Variants in MADCAM1 observed in about 807,000 individuals in gnomAD.
MADCAM1 encodes mucosal vascular addressin cell adhesion molecule 1.
MADCAM1 carries 19 observed loss-of-function variants against 26.1 expected under a neutral mutation model. The observed-to-expected ratio is 0.73, with a 90% CI of 0.51 to 1.07. MADCAM1 has a LOEUF of 1.07. Among genes scored for constraint, MADCAM1 ranks in the 50% least tolerant of loss-of-function variants. MADCAM1 has a pLI of 0.00. For synonymous variants in MADCAM1, 268 were observed against 260.9 expected, an observed-to-expected ratio of 1.03 and a Z score of -0.26; for missense variants, 514 against 542.1, an observed-to-expected ratio of 0.95 and a Z score of 0.51.
rs1279665099 is a variant in MADCAM1, at chr19:496,542, C to T, written c.43C>T (p.Leu15Phe). The T allele has an allele frequency of 7.7e-7, 1 of 1,302,972 alleles. No individual in the cohort carries two copies. The highest frequency in any genetic ancestry group is 1.6e-5 in the African/African-American group (1 of 63,696). 80.7% of individuals were successfully genotyped at this position (1,302,972 alleles called of 1,614,324 possible). ...CCTCCTGCTGGCGGGGCTTCTGGGG[C>T]TCCTCCTCGGTGAGAAGGGGAGGGG... is the stretch of plus-strand genomic sequence containing the variant. ...LALLLAGLLGLLLGQSLQVKP... is the reference protein window; with the variant it reads ...LALLLAGLLGFLLGQSLQVKP... The change falls in exon 1 of 5, where the codon CTC becomes TTC. Residue 15 changes from leucine to phenylalanine, a missense_variant. By Grantham distance (22) the Leu-to-Phe change is conservative. Around this residue, in one of 3 missense-constraint regions of MADCAM1, gnomAD observed 317 missense variants for 313.6 expected, o/e 1.01. Transcript: ENST00000215637.
chr19:502,340 C>A (rs371763127), intron 4 of MADCAM1, among the ~76,000 whole-genome samples: 6 of 151,774 alleles, frequency 4.0e-5, no homozygotes, highest in African/African-American at 1.2e-4. Flanking sequence ...CTCGCTCTGT[C>A]CCCCAGGCTG....
chr19:497,848 T>A lies in MADCAM1; in HGVS notation c.68T>A (p.Val23Glu). 7.5e-7 allele frequency: 1 copy of A among 1,326,220 alleles called. No homozygotes were observed. The highest frequency in any genetic ancestry group is 9.6e-7 in the Non-Finnish European group (1 of 1,045,662). 82.2% of individuals were successfully genotyped at this position (1,326,220 alleles called of 1,614,324 possible). Reference protein sequence around the residue: ...LGLLLGQSLQVKPLQVEPPEP... With the variant: ...LGLLLGQSLQEKPLQVEPPEP... ...GTCGCCGCAGGCCAGTCCCTCCAGG[T>A]GAAGCCCCTGCAGGTGGAGCCCCCG... The change falls in exon 2 of 5, where the codon GTG becomes GAG. Residue 23 changes from valine to glutamate, a missense_variant. By Grantham distance (121) the Val-to-Glu change is moderately radical. Transcript: ENST00000215637.
At chr19:499,074 T>C (rs1447945547) in intron 3 of MADCAM1, 1 of 696,434 alleles carries the variant, frequency 1.4e-6, no homozygotes, top group East Asian at 2.8e-5. Flanking sequence ...AAAGCCCAAG[T>C]CCTCCCGGGG....
In MADCAM1 at chr19:498,770, C is replaced by G; in HGVS notation, c.612C>G (p.Cys204Trp). The stretch of plus-strand genomic sequence containing the variant: ...CCCCTGTCCCGCCCGCCCTCTACTG[C>G]CAGGCCACGATGAGGCTGCCTGGCT... The part of the protein sequence containing the change: ...LGTPVPPALY[C>W]QATMRLPGLE... The change falls in exon 3 of 5, where the codon TGC becomes TGG. Residue 204 changes from cysteine to tryptophan, a missense_variant. By Grantham distance (215) the Cys-to-Trp change is radical. Coordinates refer to ENST00000215637, the MANE Select transcript of MADCAM1 (RefSeq NM_130760.3). 6.7e-7 allele frequency: 1 copy of G among 1,500,602 alleles called. No homozygotes were observed. Among genetic ancestry groups the G allele is most frequent in the Non-Finnish European group, 8.8e-7 (1 of 1,134,844 alleles). 93.0% of individuals were successfully genotyped at this position (1,500,602 alleles called of 1,614,324 possible). A position where few individuals can be genotyped will look rare whatever the true frequency, so the allele number is the denominator to read the frequency against.
intron 1 of MADCAM1, among the ~76,000 whole-genome samples, chr19:497,490 G>A (rs1392863674): frequency 2.7e-5 from 4 of 148,110 alleles, no homozygotes; most frequent in Non-Finnish European, 6.0e-5. Flanking sequence ...AAGGGGCTCC[G>A]AGATAGGGGG....
chr19:504,961 C>T lies in MADCAM1; in HGVS notation c.1145C>T (p.Ser382Phe). Residue 382 changes from serine to phenylalanine, a missense_variant, in exon 5 of 5, where the codon TCC (serine) becomes TTC (phenylalanine). Around this residue, in one of 3 missense-constraint regions of MADCAM1, gnomAD observed 152 missense variants for 136.7 expected, o/e 1.11. Transcript: ENST00000215637. Reference sequence around the variant, plus strand: ...ACCGGCCAGGTCGGGATCAGCCCCTCCTGAGTGGCCAGCCTTTCCCCCTGT... The same window carrying T: ...ACCGGCCAGGTCGGGATCAGCCCCTTCTGAGTGGCCAGCCTTTCCCCCTGT... ...RGTGQVGISP[S>F] 6.3e-7 allele frequency: 1 copy of T among 1,587,524 alleles called. No individual in the cohort carries two copies. The highest frequency in any genetic ancestry group is 8.6e-7 in the Non-Finnish European group (1 of 1,160,348).
chr19:499,992 T>A, intron 3 of MADCAM1: 1 of 161,662 alleles, frequency 6.2e-6, no homozygotes. Flanking sequence ...GTCTTTGTGG[T>A]GGGGGTGGGG....
At chr19:498,393 A>G (rs1978296440) in intron 2 of MADCAM1, 103 bp from the exon 3 acceptor site, 9 of 1,231,478 alleles carry the variant, frequency 7.3e-6, no homozygotes, top group Non-Finnish European at 8.4e-6. Flanking sequence ...AGCAGCCCCC[A>G]CGCATCCTTG....
rs1160691515 is a variant in MADCAM1, at chr19:497,885, G to A, written c.105G>A (p.Val35=). The A allele has an allele frequency of 1.5e-6, 2 of 1,356,932 alleles. No homozygotes were observed. Among genetic ancestry groups the A allele is most frequent in the East Asian group, 3.1e-5 (1 of 32,388 alleles). 84.1% of individuals were successfully genotyped at this position (1,356,932 alleles called of 1,614,324 possible). Residue 35 remains valine, a synonymous_variant, in exon 2 of 5, where the codon GTG becomes GTA. Coordinates refer to ENST00000215637, the MANE Select transcript of MADCAM1 (RefSeq NM_130760.3). Reference sequence around the variant, plus strand: ...AGGTGGAGCCCCCGGAGCCGGTGGTGGCCGTGGCCTTGGGCGCCTCGCGCC... The same window carrying A: ...AGGTGGAGCCCCCGGAGCCGGTGGTAGCCGTGGCCTTGGGCGCCTCGCGCC... ...PLQVEPPEPV[V]AVALGASRQL...
chr19:499,181 C>T (rs1568316949), intron 3 of MADCAM1: 2 of 515,850 alleles, frequency 3.9e-6, no homozygotes, highest in African/African-American at 1.9e-5. Context: ...CGGGCCTCCT[C>T]GCCTCCTCGC....
chr19:497,743 C>T, intron 1 of MADCAM1, 90 bp from the exon 2 acceptor site: 1 of 901,528 alleles, frequency 1.1e-6, no homozygotes, highest in Non-Finnish European at 1.3e-6. Context: ...AGAGGCGGGG[C>T]GGGGTCCGGG....
chr19:498,521 C>T lies in MADCAM1; in HGVS notation c.363C>T (p.Ser121=), dbSNP rs780359017. 2.7e-6 allele frequency: 4 copies of T among 1,468,892 alleles called. No individual in the cohort carries two copies. The highest frequency in any genetic ancestry group is 2.7e-6 in the Non-Finnish European group (3 of 1,115,430). The allele number at this position is 1,468,892 out of a possible 1,614,324, so 91.0% of individuals were successfully genotyped here. A position where few individuals can be genotyped will look rare whatever the true frequency, so the allele number is the denominator to read the frequency against. The change falls in exon 3 of 5, where the codon TCC becomes TCT. Residue 121 remains serine (S), a synonymous_variant. Coordinates refer to ENST00000215637, the MANE Select transcript of MADCAM1 (RefSeq NM_130760.3). ...VYAFPDQLTV[S]PAALVPGDPE... ...CCTTCCCGGACCAGCTGACCGTCTC[C>T]CCAGCAGCCCTGGTGCCTGGTGACC...
In MADCAM1 at chr19:497,855, C is replaced by A. The variant is rs1240894356; in HGVS notation, c.75C>A (p.Pro25=). The change falls in exon 2 of 5, where the codon CCC becomes CCA. Residue 25 remains proline, a synonymous_variant. Coordinates refer to ENST00000215637, the MANE Select transcript of MADCAM1 (RefSeq NM_130760.3). The part of the protein sequence containing the change: ...LLLGQSLQVK[P]LQVEPPEPVV... ...CAGGCCAGTCCCTCCAGGTGAAGCC[C>A]CTGCAGGTGGAGCCCCCGGAGCCGG... 3.7e-6 allele frequency: 5 copies of A among 1,333,470 alleles called. No homozygotes were observed. The highest frequency in any genetic ancestry group is 4.8e-6 in the Non-Finnish European group (5 of 1,049,822). 82.6% of individuals were successfully genotyped at this position (1,333,470 alleles called of 1,614,324 possible).
At position 497,970 on chromosome 19, in the gene MADCAM1, G is replaced by A; in HGVS notation, c.190G>A (p.Asp64Asn). The part of the protein sequence containing the change: ...RGASVQWRGL[D>N]TSLGAVQSDT... ...GGCCTCGGTGCAGTGGCGGGGCCTGGACACCAGCCTGGGCGCGGTGCAGTC... is the reference window on the plus strand; with the variant it reads ...GGCCTCGGTGCAGTGGCGGGGCCTGAACACCAGCCTGGGCGCGGTGCAGTC... Residue 64 changes from aspartate (D) to asparagine (N), a missense_variant, in exon 2 of 5, where the codon GAC becomes AAC. Around this residue, in one of 3 missense-constraint regions of MADCAM1, gnomAD observed 317 missense variants for 313.6 expected, o/e 1.01. Coordinates refer to ENST00000215637, the MANE Select transcript of MADCAM1 (RefSeq NM_130760.3). 6.7e-7 allele frequency: 1 copy of A among 1,495,258 alleles called. No individual in the cohort carries two copies. Among genetic ancestry groups the A allele is most frequent in the Non-Finnish European group, 8.9e-7 (1 of 1,128,706 alleles). 92.6% of individuals were successfully genotyped at this position (1,495,258 alleles called of 1,614,324 possible).
chr19:504,382 G>C (rs1978509933), intron 4 of MADCAM1, among the ~76,000 whole-genome samples: 1 of 149,188 alleles, frequency 6.7e-6, no homozygotes, highest in African/African-American at 2.5e-5. Context: ...TCCTGCCTCA[G>C]CCTCCCAAGT....
In MADCAM1 at chr19:498,098, C is replaced by T. The variant is rs768787949; in HGVS notation, c.318C>T (p.Thr106=). The T allele has an allele frequency of 3.5e-5, 48 of 1,388,992 alleles. No individual in the cohort carries two copies. Among genetic ancestry groups the T allele is most frequent in the Admixed American group, 9.3e-5 (3 of 32,308 alleles). The allele number at this position is 1,388,992 out of a possible 1,614,324, so 86.0% of individuals were successfully genotyped here. ...GSCGGRTFQH[T]VQLLVYAFPD... is the part of the protein sequence containing the mutation. The stretch of plus-strand genomic sequence containing the variant: ...GCGGGGGCCGCACCTTCCAGCACAC[C>T]GTGCAGCTCCTTGTGTACGGTGAGG... Residue 106 remains threonine (T), a synonymous_variant, in exon 2 of 5, where the codon ACC becomes ACT. Coordinates refer to ENST00000215637, the MANE Select transcript of MADCAM1 (RefSeq NM_130760.3).
Position 505,173 on chromosome 19 carries a change from C to T in MADCAM1, c.*208C>T. 2.0e-6 allele frequency: 1 copy of T among 493,180 alleles called. No individual in the cohort carries two copies. Among genetic ancestry groups the T allele is most frequent in the Non-Finnish European group, 3.6e-6 (1 of 277,990 alleles). 30.6% of individuals were successfully genotyped at this position (493,180 alleles called of 1,614,324 possible). A position where few individuals can be genotyped will look rare whatever the true frequency, so the allele number is the denominator to read the frequency against. ...CTCACCTACCCATGACCTGAAGCCC[C>T]TCCCTGAGTGGTCCCCACCTTTCTG... On this transcript the variant is annotated 3_prime_UTR_variant, in exon 5 of 5. Coordinates refer to ENST00000215637, the MANE Select transcript of MADCAM1 (RefSeq NM_130760.3).
intron 2 of MADCAM1, 59 bp downstream of exon 2, chr19:498,176 T>C: frequency 7.7e-7 from 1 of 1,292,030 alleles, no homozygotes; most frequent in Non-Finnish European, 9.8e-7. Context: ...TCCTTCCCTA[T>C]GCCACCTCTT....
chr19:504,012 G>A (rs928740745), intron 4 of MADCAM1, among the ~76,000 whole-genome samples: 10 of 150,392 alleles, frequency 6.6e-5, no homozygotes, highest in Admixed American at 2.7e-4. Flanking sequence ...CTAAGATCAC[G>A]CCATTGCACT....
Sources: gnomAD v4.1 joint callset for allele counts (sites outside exome capture counted in the v4.1 genomes callset) on GRCh38, gnomAD v4.1.1 for gene constraint, gnomAD v4.1.1 regional missense constraint, MANE v1.5 for transcripts, NCBI Gene and HGNC (gene_info 2026-07-23, HGNC 2026-07-21) for gene names.